VPS54: variants seen among roughly 807,000 people sequenced by gnomAD.
VPS54 encodes VPS54 subunit of GARP complex, also known as vacuolar protein sorting-associated protein 54.
VPS54 carries 45 observed loss-of-function variants against 121.5 expected under a neutral mutation model. That is an observed-to-expected ratio of 0.37 (90% CI 0.29 to 0.47). The LOEUF (loss-of-function observed/expected upper bound fraction) is 0.47. Among genes scored for constraint, VPS54 ranks in the 20% least tolerant of loss-of-function variants. The pLI is 0.99. For synonymous variants in VPS54, 371 were observed against 385.8 expected (o/e 0.96, Z 0.45); for missense variants, 1,090 against 1,131.4 (o/e 0.96, Z 0.52).
At chr2:63,926,616 T>A (rs1673916118) in intron 12 of VPS54, among the ~76,000 whole-genome samples, 1 of 152,126 alleles carries the variant, frequency 6.6e-6, no homozygotes, top group Non-Finnish European at 1.5e-5. Flanking sequence ...GGTACCTGGT[T>A]CATCTCATTG....
At chr2:63,970,244 T>TATATATATATATATAG (rs1286828125) in intron 4 of VPS54, among the ~76,000 whole-genome samples, 21 of 97,906 alleles carry the variant, frequency 2.1e-4, no homozygotes, top group African/African-American at 8.2e-4. Context: ...CACATTCTAA[T>TATATATATATATATAG]ATATATATAG....
intron 7 of VPS54, 101 bp from the exon 8 acceptor site, chr2:63,949,264 T>A: frequency 8.5e-7 from 1 of 1,171,760 alleles, no homozygotes; most frequent in Non-Finnish European, 1.2e-6. Context: ...CAGTTGACAG[T>A]ACCTGTGCAA....
intron 11 of VPS54, among the ~76,000 whole-genome samples, chr2:63,936,213 A>G (rs144328336): frequency 7.0e-4 from 107 of 152,334 alleles, no homozygotes; most frequent in African/African-American, 2.2e-3. Flanking sequence ...CACATAAAGT[A>G]TATCAGGTAT....
intron 20 of VPS54, among the ~76,000 whole-genome samples, chr2:63,902,980 C>CATAACAT (rs376596159): frequency 2.6e-5 from 4 of 151,420 alleles, no homozygotes; most frequent in African/African-American, 9.7e-5. Flanking sequence ...AATAACATAA[C>CATAACAT]AACATAACAT....
chr2:63,962,457 G>T lies in VPS54; in HGVS notation c.625-14C>A, dbSNP rs748061375. On this transcript the variant is annotated splice_polypyrimidine_tract_variant and intron_variant, in intron 6 of 22. Coordinates refer to ENST00000272322, the MANE Select transcript of VPS54 (RefSeq NM_016516.3). ...ATAATGGCTCAGCTTAAAAGAGAAG[G>T]AAAAAAAATATGAAGTACTATGAGC... 1.9e-6 allele frequency: 3 copies of T among 1,575,888 alleles called. No homozygotes were observed. The highest frequency in any genetic ancestry group is 2.6e-6 in the Non-Finnish European group (3 of 1,164,054).
At chr2:63,982,677 T>A (rs1676852510) in intron 2 of VPS54, among the ~76,000 whole-genome samples, 2 of 152,222 alleles carry the variant, frequency 1.3e-5, no homozygotes, top group African/African-American at 4.8e-5. Flanking sequence ...ATAAGGGACA[T>A]CATAGCCTTC....
chr2:64,010,395 C>T (rs761325700), intron 1 of VPS54, among the ~76,000 whole-genome samples: 1 of 152,088 alleles, frequency 6.6e-6, no homozygotes, highest in Non-Finnish European at 1.5e-5. Flanking sequence ...AAAACTTAAC[C>T]ACACTGTAAT....
rs1428118522 is a variant in VPS54, at chr2:63,947,025, AAAGTT to A, written c.1245+353_1245+357del. On this transcript the variant is annotated intron_variant, in intron 9 of 22. Transcript: ENST00000272322. ...CAACCTAAATATTCAACACAGAGGA[AAAGTT>A]AAGTAGATTTAACATAATGTTAATG... Among the ~76,000 whole-genome samples the A allele has an allele frequency of 2.0e-5, 3 of 151,958 alleles. No homozygotes were observed. In the East Asian group the frequency reaches 5.8e-4, roughly 29 times the overall value.
intron 12 of VPS54, among the ~76,000 whole-genome samples, chr2:63,933,353 T>C (rs923124346): frequency 2.0e-5 from 3 of 152,144 alleles, no homozygotes; most frequent in Non-Finnish European, 2.9e-5. Context: ...TTCCAGTATA[T>C]GTTCTGCCAC....
chr2:64,017,877 C>T lies in VPS54; in HGVS notation c.-21+1061G>A, dbSNP rs1353019228. The stretch of plus-strand genomic sequence containing the variant: ...AATGATGAGCACTACGAACCATCAA[C>T]ATCCATTTCTAGGAAATCCGATTCT... On this transcript the variant is annotated intron_variant, in intron 1 of 22. Transcript: ENST00000272322. Among the ~76,000 whole-genome samples the T allele has an allele frequency of 3.9e-5, 6 of 152,334 alleles. No individual in the cohort carries two copies. The East Asian group carries it at 1.2e-3, about 29-fold the overall frequency.
chr2:64,014,976 T>C (rs904124489), intron 1 of VPS54, among the ~76,000 whole-genome samples: 1 of 152,148 alleles, frequency 6.6e-6, no homozygotes, highest in African/African-American at 2.4e-5. Flanking sequence ...AAAGATTCAT[T>C]ATAAGCTTGG....
chr2:63,956,537 C>G (rs1256795077), intron 7 of VPS54, among the ~76,000 whole-genome samples: 3 of 152,092 alleles, frequency 2.0e-5, no homozygotes, highest in Admixed American at 2.0e-4. Context: ...TATTGATGTT[C>G]AGAGTGATCT....
chr2:63,993,745 T>C (rs1677441017), intron 1 of VPS54, among the ~76,000 whole-genome samples: 2 of 152,240 alleles, frequency 1.3e-5, no homozygotes, highest in Admixed American at 1.3e-4. Flanking sequence ...TGTTTGATTT[T>C]ATAAAAATGA....
At chr2:63,975,847 G>T (rs893524543) in intron 3 of VPS54, among the ~76,000 whole-genome samples, 7 of 152,236 alleles carry the variant, frequency 4.6e-5, no homozygotes, top group Non-Finnish European at 1.0e-4. Flanking sequence ...GCCAGCAGCA[G>T]GCAAGGTGAA....
At chr2:63,960,308 A>C (rs1004417529) in intron 7 of VPS54, among the ~76,000 whole-genome samples, 1 of 152,214 alleles carries the variant, frequency 6.6e-6, no homozygotes, top group African/African-American at 2.4e-5. Context: ...CTTAAGGTAC[A>C]AACAAAAAAA....
intron 22 of VPS54, among the ~76,000 whole-genome samples, chr2:63,894,811 C>G (rs1672376660): frequency 2.0e-5 from 3 of 152,056 alleles, no homozygotes; most frequent in African/African-American, 7.2e-5. Context: ...AGAAAGCAAG[C>G]TGCATATATG....
At chr2:63,977,956 C>A (rs1431475173) in intron 3 of VPS54, among the ~76,000 whole-genome samples, 1 of 152,248 alleles carries the variant, frequency 6.6e-6, no homozygotes, top group Non-Finnish European at 1.5e-5. Context: ...GGTTTCCCTG[C>A]AGACCTCTTA....
chr2:64,013,690 CACAT>C (rs1471143965), intron 1 of VPS54, among the ~76,000 whole-genome samples: 1 of 144,222 alleles, frequency 6.9e-6, no homozygotes, highest in African/African-American at 2.5e-5. Flanking sequence ...TGATATATAT[CACAT>C]ATATAGAGAT....
intron 12 of VPS54, among the ~76,000 whole-genome samples, chr2:63,933,404 A>G (rs1674305449): frequency 6.6e-6 from 1 of 152,176 alleles, no homozygotes; most frequent in South Asian, 2.1e-4. Context: ...CTGGGCATCA[A>G]TTACCTTATC....
Sources: gnomAD v4.1 joint callset for allele counts (sites outside exome capture counted in the v4.1 genomes callset) on GRCh38, gnomAD v4.1.1 for gene constraint, MANE v1.5 for transcripts, NCBI Gene and HGNC (gene_info 2026-07-23, HGNC 2026-07-21) for gene names.